HDAC9: variants seen among roughly 807,000 people sequenced by gnomAD.
HDAC9 encodes the protein histone deacetylase 9.
Under a neutral mutation model 139.4 loss-of-function variants are expected in HDAC9, and 41 were observed. The observed-to-expected ratio is 0.29, with a 90% CI of 0.23 to 0.38. The LOEUF (loss-of-function observed/expected upper bound fraction) is 0.38. Ranked by LOEUF, HDAC9 falls within the 10% of genes least tolerant of loss-of-function variation. HDAC9 has a pLI of 1.00. For synonymous variants in HDAC9, 517 were observed against 476.2 expected, an observed-to-expected ratio of 1.09 and a Z score of -1.12; for missense variants, 1,147 against 1,297.0, an observed-to-expected ratio of 0.88 and a Z score of 1.78.
At chr7:18,343,692 C>G (rs1782186558) in intron 1 of HDAC9, among the ~76,000 whole-genome samples, 1 of 151,794 alleles carries the variant, frequency 6.6e-6, no homozygotes, top group South Asian at 2.1e-4. Context: ...CTAGAGAGCT[C>G]TTTTGCCTTC....
intron 1 of HDAC9, among the ~76,000 whole-genome samples, chr7:18,329,657 C>A (rs1257280100): frequency 1.3e-5 from 2 of 151,546 alleles, no homozygotes; most frequent in East Asian, 3.9e-4. Context: ...AGTGATGTGC[C>A]TGTCAGGGGA....
chr7:18,560,993 A>G (rs1337410590), intron 2 of HDAC9, among the ~76,000 whole-genome samples: 3 of 152,164 alleles, frequency 2.0e-5, no homozygotes, highest in Non-Finnish European at 4.4e-5. Context: ...TTTGAAGGAT[A>G]CCACCGATAT....
intron 1 of HDAC9, among the ~76,000 whole-genome samples, chr7:18,355,411 C>T (rs938471406): frequency 5.9e-5 from 9 of 151,994 alleles, no homozygotes; most frequent in Admixed American, 2.6e-4. Context: ...ATATTCAAAA[C>T]GGAGACTTTT....
At chr7:18,839,225 A>G (rs893297245) in intron 21 of HDAC9, among the ~76,000 whole-genome samples, 6 of 152,030 alleles carry the variant, frequency 3.9e-5, no homozygotes, top group African/African-American at 1.2e-4. Flanking sequence ...GCCAGGTCCT[A>G]GATTAGAAAC....
At chr7:18,628,735 G>A (rs1781441311) in intron 6 of HDAC9, among the ~76,000 whole-genome samples, 1 of 152,088 alleles carries the variant, frequency 6.6e-6, no homozygotes, top group South Asian at 2.1e-4. Flanking sequence ...CTTTCCAGCT[G>A]ATAGTATACT....
At chr7:18,851,055 T>A (rs1013441414) in intron 21 of HDAC9, among the ~76,000 whole-genome samples, 3 of 152,144 alleles carry the variant, frequency 2.0e-5, no homozygotes, top group African/African-American at 7.2e-5. Flanking sequence ...AAGACAAACA[T>A]GAGTGGATTT....
chr7:18,392,737 A>G (rs1277792994), intron 1 of HDAC9, among the ~76,000 whole-genome samples: 1 of 152,100 alleles, frequency 6.6e-6, no homozygotes, highest in African/African-American at 2.4e-5. Flanking sequence ...TCCAGAGGAC[A>G]TGATATTTCA....
intron 3 of HDAC9, among the ~76,000 whole-genome samples, chr7:18,590,038 C>A (rs1240377077): frequency 6.6e-6 from 1 of 152,092 alleles, no homozygotes; most frequent in Non-Finnish European, 1.5e-5. Context: ...AAAGAAAAGT[C>A]ATTAAGGGAA....
intron 21 of HDAC9, among the ~76,000 whole-genome samples, chr7:18,868,977 C>T (rs1410374125): frequency 6.6e-6 from 1 of 152,072 alleles, no homozygotes; most frequent in African/African-American, 2.4e-5. Context: ...TCCCCCATAC[C>T]TTGTCTTATG....
At chr7:18,848,604 A>G (rs997545402) in intron 21 of HDAC9, among the ~76,000 whole-genome samples, 1 of 151,836 alleles carries the variant, frequency 6.6e-6, no homozygotes, top group Non-Finnish European at 1.5e-5. Context: ...ACTGACCTCA[A>G]ACTTCTAGCC....
At chr7:18,986,865 G>A (rs574198186) in intron 25 of HDAC9, among the ~76,000 whole-genome samples, 1 of 151,674 alleles carries the variant, frequency 6.6e-6, no homozygotes, top group Admixed American at 6.6e-5. Flanking sequence ...TGATTTGGCT[G>A]TTTGTCTGTT....
At chr7:18,636,276 C>G (rs1038691406) in intron 8 of HDAC9, among the ~76,000 whole-genome samples, 2 of 152,098 alleles carry the variant, frequency 1.3e-5, no homozygotes, top group Non-Finnish European at 2.9e-5. Flanking sequence ...CCTCTTACTG[C>G]TGTGTCCCCT....
chr7:18,934,789 A>G (rs1331402002), intron 22 of HDAC9, among the ~76,000 whole-genome samples: 1 of 152,198 alleles, frequency 6.6e-6, no homozygotes, highest in Non-Finnish European at 1.5e-5. Flanking sequence ...CAGATTTTTA[A>G]GACTCAACAA....
intron 21 of HDAC9, among the ~76,000 whole-genome samples, chr7:18,867,648 T>G (rs919406375): frequency 2.0e-5 from 3 of 152,066 alleles, no homozygotes; most frequent in African/African-American, 7.3e-5. Context: ...CAAGTGTGTA[T>G]TTTTTAAAAA....
chr7:18,501,773 C>A (rs1415094919), intron 2 of HDAC9, among the ~76,000 whole-genome samples: 1 of 152,066 alleles, frequency 6.6e-6, no homozygotes, highest in East Asian at 1.9e-4. Context: ...TTATAATAGG[C>A]ATGTATTCTA....
intron 2 of HDAC9, among the ~76,000 whole-genome samples, chr7:18,273,490 G>T (rs1796521659): frequency 6.6e-6 from 1 of 152,322 alleles, no homozygotes; most frequent in Non-Finnish European, 1.5e-5. Context: ...TTGTTGATCA[G>T]TGGGAAAGGG....
rs144530277 is a variant in HDAC9, at chr7:18,808,723, T to G, written c.2322+15271T>G. ...AACATTGGTAAAATATACAAGATAA[T>G]CTATGGATTCAATTCAATCCTATCA... On this transcript the variant is annotated intron_variant, in intron 17 of 25. Coordinates refer to ENST00000686413, the MANE Select transcript of HDAC9 (RefSeq NM_178425.4). Among the ~76,000 whole-genome samples, 235 of 152,036 alleles carry G rather than the reference T, an allele frequency of 1.5e-3. 1 individual carries two copies. The highest frequency in any genetic ancestry group is 5.3e-3 in the African/African-American group (219 of 41,482).
chr7:18,163,169 A>C (rs986418264), intron 2 of HDAC9, among the ~76,000 whole-genome samples: 1 of 152,202 alleles, frequency 6.6e-6, no homozygotes, highest in Non-Finnish European at 1.5e-5. Flanking sequence ...CAAGATTTTC[A>C]TTCCCTGGAT....
chr7:18,986,729 T>G (rs1391769612), intron 25 of HDAC9, among the ~76,000 whole-genome samples: 1 of 152,236 alleles, frequency 6.6e-6, no homozygotes, highest in Non-Finnish European at 1.5e-5. Flanking sequence ...CATTTGTTTG[T>G]ATCCTCTTTT....
Sources: allele counts gnomAD v4.1 joint callset (sites outside exome capture counted in the v4.1 genomes callset), GRCh38; gene constraint gnomAD v4.1.1; transcripts MANE v1.5; gene names NCBI Gene and HGNC (gene_info 2026-07-23, HGNC 2026-07-21).